Variants in ZNF827 observed in about 807,000 individuals in gnomAD.
ZNF827 encodes the protein zinc finger protein 827.
Under a neutral mutation model 102.4 loss-of-function variants are expected in ZNF827, and 13 were observed. The observed-to-expected ratio is 0.13, with a 90% CI of 0.08 to 0.20. The LOEUF (loss-of-function observed/expected upper bound fraction) is 0.20. Ranked by LOEUF, ZNF827 falls within the 10% of genes least tolerant of loss-of-function variation. The pLI, the probability that ZNF827 is intolerant of heterozygous loss-of-function variation, is 1.00. For synonymous variants in ZNF827, 523 were observed against 536.2 expected, an observed-to-expected ratio of 0.98 and a Z score of 0.34; for missense variants, 1,103 against 1,344.4, an observed-to-expected ratio of 0.82 and a Z score of 2.81.
At chr4:145,786,727 G>T (rs1332089445) in intron 8 of ZNF827, among the ~76,000 whole-genome samples, 3 of 152,244 alleles carry the variant, frequency 2.0e-5, no homozygotes, top group Non-Finnish European at 2.9e-5. Flanking sequence ...TCTGAGGGCT[G>T]CTTGTGAAGC....
chr4:145,807,559 G>A (rs1182427574), intron 8 of ZNF827, among the ~76,000 whole-genome samples: 2 of 151,316 alleles, frequency 1.3e-5, no homozygotes, highest in East Asian at 1.9e-4. Context: ...TGCAACCAAC[G>A]CCTCCTGGGT....
intron 10 of ZNF827, 49 bp from the exon 11 acceptor site, chr4:145,774,721 T>C: frequency 7.0e-6 from 11 of 1,579,818 alleles, no homozygotes; most frequent in Non-Finnish European, 9.5e-6. Context: ...GGGTGACACA[T>C]ACTTCTAAAT....
intron 5 of ZNF827, among the ~76,000 whole-genome samples, chr4:145,864,952 T>G (rs1025125812): frequency 1.3e-5 from 2 of 152,236 alleles, no homozygotes; most frequent in Non-Finnish European, 2.9e-5. Flanking sequence ...GAAAGCTTGC[T>G]AGACCATAAT....
At chr4:145,782,312 G>A (rs948696248) in intron 8 of ZNF827, among the ~76,000 whole-genome samples, 4 of 152,234 alleles carry the variant, frequency 2.6e-5, no homozygotes, top group African/African-American at 9.6e-5. Flanking sequence ...TATTACTGTG[G>A]CAACACAAGA....
intron 7 of ZNF827, among the ~76,000 whole-genome samples, chr4:145,835,454 A>T (rs1489830009): frequency 6.7e-6 from 1 of 148,394 alleles, no homozygotes; most frequent in Non-Finnish European, 1.5e-5. Context: ...CTTAGACAAC[A>T]CTCTTTTAAG....
intron 9 of ZNF827, among the ~76,000 whole-genome samples, chr4:145,776,300 A>T (rs1180686353): frequency 1.3e-5 from 2 of 151,990 alleles, no homozygotes; most frequent in African/African-American, 4.8e-5. Context: ...CTACAAAAAA[A>T]TTTTTAAAAA....
chr4:145,826,224 TA>T (rs1743664912), intron 7 of ZNF827, among the ~76,000 whole-genome samples: 1 of 152,192 alleles, frequency 6.6e-6, no homozygotes, highest in Admixed American at 6.5e-5. Flanking sequence ...GGACAATCAA[TA>T]ACCCCTCTAG....
chr4:145,894,594 C>G (rs1750840091), intron 2 of ZNF827, among the ~76,000 whole-genome samples: 1 of 152,160 alleles, frequency 6.6e-6, no homozygotes, highest in Admixed American at 6.5e-5. Flanking sequence ...TTTACTAATA[C>G]AGGTCTATTG....
chr4:145,861,274 G>C (rs1275292731), intron 5 of ZNF827, among the ~76,000 whole-genome samples: 1 of 152,216 alleles, frequency 6.6e-6, no homozygotes. Context: ...GGAAAATAAT[G>C]ATTAAGCTCT....
intron 1 of ZNF827, chr4:145,907,370 G>T: frequency 2.7e-6 from 1 of 364,752 alleles, no homozygotes; most frequent in Non-Finnish European, 5.3e-6. Flanking sequence ...ACTACATCGT[G>T]AGAAAAAGTT....
At chr4:145,792,494 A>G (rs926945232) in intron 8 of ZNF827, among the ~76,000 whole-genome samples, 1 of 152,220 alleles carries the variant, frequency 6.6e-6, no homozygotes, top group Middle Eastern at 3.4e-3. Flanking sequence ...CTCACAAACC[A>G]GAAATATATA....
chr4:145,932,599 C>T (rs552439112), intron 1 of ZNF827, among the ~76,000 whole-genome samples: 1 of 152,000 alleles, frequency 6.6e-6, no homozygotes, highest in Non-Finnish European at 1.5e-5. Context: ...CTCAGCCTGC[C>T]GAGTAGCTGG....
chr4:145,827,363 G>C (rs967901115), intron 7 of ZNF827, among the ~76,000 whole-genome samples: 1 of 152,188 alleles, frequency 6.6e-6, no homozygotes, highest in Non-Finnish European at 1.5e-5. Flanking sequence ...AGGTACTGAA[G>C]GAAGCTGAAA....
chr4:145,829,356 T>C (rs1035472185), intron 7 of ZNF827, among the ~76,000 whole-genome samples: 1 of 152,190 alleles, frequency 6.6e-6, no homozygotes, highest in African/African-American at 2.4e-5. Context: ...CAGTCTGACT[T>C]CTATCTGCAC....
intron 2 of ZNF827, among the ~76,000 whole-genome samples, chr4:145,895,653 C>A (rs887657639): frequency 6.6e-6 from 1 of 152,288 alleles, no homozygotes; most frequent in African/African-American, 2.4e-5. Flanking sequence ...AGTCATCTCA[C>A]CGATAACATC....
chr4:145,906,832 G>C (rs955040068), intron 1 of ZNF827, among the ~76,000 whole-genome samples: 2 of 152,182 alleles, frequency 1.3e-5, no homozygotes, highest in Non-Finnish European at 2.9e-5. Flanking sequence ...TCTGTTGTTT[G>C]CAGACTCGAT....
In ZNF827 at chr4:145,757,803, C is replaced by G. The variant is rs1158729585; in HGVS notation, c.*3813G>C. The G allele has an allele frequency of 6.6e-6, 1 of 151,806 alleles. No homozygotes were observed. The highest frequency in any genetic ancestry group is 1.5e-5 in the Non-Finnish European group (1 of 67,962). 9.4% of individuals were successfully genotyped at this position (151,806 alleles called of 1,614,324 possible). On this transcript the variant is annotated 3_prime_UTR_variant, in exon 15 of 15. Transcript: ENST00000508784. ...CAATACAAATTTTCAGTAATGTACACAAACCTTGACAGTATGATCATCTGA... is the reference window on the plus strand; with the variant it reads ...CAATACAAATTTTCAGTAATGTACAGAAACCTTGACAGTATGATCATCTGA...
chr4:145,765,301 C>A lies in ZNF827; in HGVS notation c.3053-136G>T, dbSNP rs1422744984. The A allele has an allele frequency of 1.7e-5, 18 of 1,060,154 alleles. No individual in the cohort carries two copies. The highest frequency in any genetic ancestry group is 2.3e-5 in the Non-Finnish European group (17 of 754,030). The allele number at this position is 1,060,154 out of a possible 1,614,324, so 65.7% of individuals were successfully genotyped here. ...CTATACCCTTCCAGGCACTGTTCCC[C>A]ATATCTCTGTGCTAAAAGGAGTTAA... On this transcript the variant is annotated intron_variant, in intron 12 of 14. Coordinates refer to ENST00000508784, the MANE Select transcript of ZNF827 (RefSeq NM_001306215.2). The surrounding 1 kb of genome is among the most constrained non-coding windows in gnomAD (Gnocchi z 4.7).
intron 8 of ZNF827, among the ~76,000 whole-genome samples, chr4:145,781,051 C>G (rs1422796395): frequency 1.3e-5 from 2 of 151,848 alleles, no homozygotes; most frequent in African/African-American, 4.8e-5. Flanking sequence ...AAAAATTTAG[C>G]CGGGCGTGGT....
Sources: gnomAD v4.1 joint callset for allele counts (sites outside exome capture counted in the v4.1 genomes callset) on GRCh38, gnomAD v4.1.1 for gene constraint, Gnocchi (gnomAD v3.1) non-coding constraint, MANE v1.5 for transcripts, NCBI Gene and HGNC (gene_info 2026-07-23, HGNC 2026-07-21) for gene names.